IYD: variants seen among roughly 807,000 people sequenced by gnomAD.
IYD encodes iodotyrosine deiodinase.
IYD carries 25 observed loss-of-function variants against 28.4 expected under a neutral mutation model. The observed-to-expected ratio is 0.88, with a 90% confidence interval of 0.64 to 1.23. The LOEUF is 1.23. IYD is among the 50% of genes most tolerant of loss of function. The pLI, the probability that IYD is intolerant of heterozygous loss-of-function variation, is 0.00. For missense variants in IYD, 352 were observed against 357.9 expected, an observed-to-expected ratio of 0.98 and a Z score of 0.13; for synonymous variants, 140 against 130.8, an observed-to-expected ratio of 1.07 and a Z score of -0.48.
intron 1 of IYD, among the ~76,000 whole-genome samples, chr6:150,371,361 G>A (rs1205072659): frequency 6.6e-6 from 1 of 152,230 alleles, no homozygotes; most frequent in Non-Finnish European, 1.5e-5. Context: ...CAAGCCAGCT[G>A]TTTGCTGGGC....
intron 1 of IYD, among the ~76,000 whole-genome samples, chr6:150,376,881 C>G (rs1777462760): frequency 6.6e-6 from 1 of 152,152 alleles, no homozygotes; most frequent in South Asian, 2.1e-4. Flanking sequence ...CTCAGCCTCC[C>G]AAAGTGCTGA....
chr6:150,376,745 C>T (rs1777457944), intron 1 of IYD, among the ~76,000 whole-genome samples: 1 of 152,124 alleles, frequency 6.6e-6, no homozygotes, highest in Admixed American at 6.5e-5. Flanking sequence ...CCCACCTCAG[C>T]CTCTTGAGTA....
chr6:150,395,762 C>T, intron 4 of IYD: 2 of 678,714 alleles, frequency 2.9e-6, no homozygotes, highest in South Asian at 1.6e-5. Flanking sequence ...GCTTCCAGAA[C>T]TTCCTGGTCA....
intron 1 of IYD, among the ~76,000 whole-genome samples, chr6:150,369,819 G>A (rs2115006415): frequency 6.6e-6 from 1 of 152,314 alleles, no homozygotes; most frequent in African/African-American, 2.4e-5. Context: ...GATGAATAGG[G>A]TACAAATAGC....
intron 3 of IYD, among the ~76,000 whole-genome samples, chr6:150,393,748 A>C (rs1282586944): frequency 1.3e-5 from 2 of 152,212 alleles, no homozygotes; most frequent in African/African-American, 2.4e-5. Flanking sequence ...AACTGGGTGA[A>C]CAGCATTGCC....
chr6:150,382,050 A>T (rs548044492), intron 1 of IYD, among the ~76,000 whole-genome samples: 23 of 152,254 alleles, frequency 1.5e-4, no homozygotes, highest in African/African-American at 5.5e-4. Context: ...TCCCCCCTTG[A>T]GGAAGGGCTT....
chr6:150,374,903 G>C (rs1777390748), intron 1 of IYD, among the ~76,000 whole-genome samples: 1 of 152,158 alleles, frequency 6.6e-6, no homozygotes, highest in Non-Finnish European at 1.5e-5. Context: ...TTTATGACCT[G>C]CTTCAGGAAA....
rs960719576 is a variant in IYD, at chr6:150,369,130, G to C, written c.99G>C (p.Glu33Asp). 8 of 1,613,946 alleles carry C rather than the reference G, an allele frequency of 5.0e-6. No homozygotes were observed. Among genetic ancestry groups the C allele is most frequent in the Non-Finnish European group, 6.8e-6 (8 of 1,179,992 alleles). Reference sequence around the variant, plus strand: ...GAAGCATGGAGAAAAAGAAGGGGGAGCCTAGAACCAGGGCCGAAGCTCGCC... The same window carrying C: ...GAAGCATGGAGAAAAAGAAGGGGGACCCTAGAACCAGGGCCGAAGCTCGCC... ...ADRSMEKKKGEPRTRAEARPW... is the reference protein window; with the variant it reads ...ADRSMEKKKGDPRTRAEARPW... Residue 33 changes from glutamate to aspartate, a missense_variant, in exon 1 of 5, where the codon GAG (glutamate) becomes GAC (aspartate). By Grantham distance (45) the Glu-to-Asp change is conservative (BLOSUM62 2). Transcript: ENST00000344419.
chr6:150,391,212 G>A (rs1778105234), intron 2 of IYD, among the ~76,000 whole-genome samples: 1 of 146,198 alleles, frequency 6.8e-6, no homozygotes, highest in Non-Finnish European at 1.5e-5. Flanking sequence ...ACTCCAGCCT[G>A]GTGACAGAGT....
rs776152951 is a variant in IYD, at chr6:150,392,330, T to C, written c.371-15T>C. 11 of 1,612,624 alleles carry C rather than the reference T, an allele frequency of 6.8e-6. No individual in the cohort carries two copies. Among genetic ancestry groups the C allele is most frequent in the Non-Finnish European group, 9.3e-6 (11 of 1,179,848 alleles). On this transcript the variant is annotated splice_polypyrimidine_tract_variant and intron_variant, in intron 2 of 4. Coordinates refer to ENST00000344419, the MANE Select transcript of IYD (RefSeq NM_203395.3). ...CTGCAGTTTTAATTTCTGATTTTAATGGAATGGGTGACAGGAACAGCCCCG... is the reference window on the plus strand; with the variant it reads ...CTGCAGTTTTAATTTCTGATTTTAACGGAATGGGTGACAGGAACAGCCCCG...
Position 150,402,168 on chromosome 6 carries a change from C to A in IYD, c.*3931C>A, listed in dbSNP as rs546766488. 1 of 152,274 alleles carries A rather than the reference C, an allele frequency of 6.6e-6. No homozygotes were observed. Among genetic ancestry groups the A allele is most frequent in the African/African-American group, 2.4e-5 (1 of 41,478 alleles). 9.4% of individuals were successfully genotyped at this position (152,274 alleles called of 1,614,324 possible). A position where few individuals can be genotyped will look rare whatever the true frequency, so the allele number is the denominator to read the frequency against. On this transcript the variant is annotated 3_prime_UTR_variant, in exon 5 of 5. Coordinates refer to ENST00000344419, the MANE Select transcript of IYD (RefSeq NM_203395.3). The stretch of plus-strand genomic sequence containing the variant: ...TTTATTGGGCAGGCAAAGTCCTCTG[C>A]AGGCCTGGAAACCCTCCGAGACAAT...
chr6:150,398,093 C>A lies in IYD; in HGVS notation c.726C>A (p.Asn242Lys), dbSNP rs772146561. 7.4e-6 allele frequency: 12 copies of A among 1,614,102 alleles called. No homozygotes were observed. The highest frequency in any genetic ancestry group is 1.0e-5 in the Non-Finnish European group (12 of 1,180,046). The change falls in exon 5 of 5, where the codon AAC becomes AAA. Residue 242 changes from asparagine (N) to lysine (K), a missense_variant. Coordinates refer to ENST00000344419, the MANE Select transcript of IYD (RefSeq NM_203395.3). ...TGACTGTCACTACCACTCCTCTCAACTGTGGCCCTCGACTGAGGGTGCTCC... is the reference window on the plus strand; with the variant it reads ...TGACTGTCACTACCACTCCTCTCAAATGTGGCCCTCGACTGAGGGTGCTCC... ...GLVTVTTTPL[N>K]CGPRLRVLLG...
Position 150,369,279 on chromosome 6 carries a change from A to G in IYD, c.178+70A>G. 4 of 1,473,274 alleles carry G rather than the reference A, an allele frequency of 2.7e-6. No individual in the cohort carries two copies. In the Admixed American group the frequency reaches 6.9e-5, roughly 25 times the overall value. 91.3% of individuals were successfully genotyped at this position (1,473,274 alleles called of 1,614,324 possible). ...TTGATGATGAGTGTGAGTCAATGGCAGGGCTTATGGAGAGGAAGAAACACA... is the reference window on the plus strand; with the variant it reads ...TTGATGATGAGTGTGAGTCAATGGCGGGGCTTATGGAGAGGAAGAAACACA... On this transcript the variant is annotated intron_variant, in intron 1 of 4. Coordinates refer to ENST00000344419, the MANE Select transcript of IYD (RefSeq NM_203395.3).
chr6:150,388,627 T>C lies in IYD; in HGVS notation c.179-725T>C, dbSNP rs200418153. The stretch of plus-strand genomic sequence containing the variant: ...TTTTCTAGATTTATAGTCTGGAGTT[T>C]TTGCTTTCTTTCTTTCTTTCTTTCT... On this transcript the variant is annotated intron_variant, in intron 1 of 4. Transcript: ENST00000344419. 5.8e-3 allele frequency among the ~76,000 whole-genome samples: 750 copies of C among 129,048 alleles called. 14 individuals are homozygous for C. The highest frequency in any genetic ancestry group is 0.038 in the East Asian group (142 of 3,696). 84.7% of individuals were successfully genotyped at this position (129,048 alleles called of 152,430 possible).
chr6:150,378,270 C>T (rs1488735998), intron 1 of IYD, among the ~76,000 whole-genome samples: 1 of 149,430 alleles, frequency 6.7e-6, no homozygotes, highest in Admixed American at 6.7e-5. Flanking sequence ...TGCTGGTGCG[C>T]TGCACCCATT....
chr6:150,370,143 G>C, intron 1 of IYD: 1 of 671,656 alleles, frequency 1.5e-6, no homozygotes, highest in South Asian at 1.6e-5. Context: ...CCCAAACAGA[G>C]GCCACCTGGA....
chr6:150,374,960 A>G (rs1777392634), intron 1 of IYD, among the ~76,000 whole-genome samples: 1 of 152,126 alleles, frequency 6.6e-6, no homozygotes, highest in Non-Finnish European at 1.5e-5. Flanking sequence ...TGAAGTTGGC[A>G]TGCTTTGGGG....
At chr6:150,394,325 A>T (rs925383857) in intron 4 of IYD, 70 bp downstream of exon 4, 1 of 1,561,654 alleles carries the variant, frequency 6.4e-7, no homozygotes. Context: ...CAATTCAGGG[A>T]CATTTGGAAA....
At chr6:150,378,303 A>G (rs1419866442) in intron 1 of IYD, among the ~76,000 whole-genome samples, 3 of 149,358 alleles carry the variant, frequency 2.0e-5, no homozygotes, top group Non-Finnish European at 4.4e-5. Flanking sequence ...AGCATTAGGT[A>G]TATCTCCTAA....
Sources: allele counts gnomAD v4.1 joint callset (sites outside exome capture counted in the v4.1 genomes callset), GRCh38; gene constraint gnomAD v4.1.1; transcripts MANE v1.5; gene names NCBI Gene and HGNC (gene_info 2026-07-23, HGNC 2026-07-21).